EHBP1: variants seen among roughly 807,000 people sequenced by gnomAD.
EHBP1 encodes EH domain-binding protein 1.
A neutral mutation model predicts 144.0 loss-of-function variants in EHBP1; 55 were observed. The observed-to-expected ratio is 0.38, with a 90% CI of 0.31 to 0.48. The LOEUF is 0.48. EHBP1 is among the 20% of genes least tolerant of loss of function. EHBP1 has a pLI of 0.98. For missense variants in EHBP1, 1,200 were observed against 1,364.2 expected (o/e 0.88, Z 1.90); for synonymous variants, 469 against 472.7 (o/e 0.99, Z 0.10).
At chr2:62,985,201 G>A (rs17473979) in intron 15 of EHBP1, among the ~76,000 whole-genome samples, 1,712 of 152,172 alleles carry the variant, frequency 0.011, 11 homozygotes, top group Non-Finnish European at 0.018. Flanking sequence ...GTGTTCTCCA[G>A]TCCAACATTT....
intron 10 of EHBP1, chr2:62,881,696 T>C (rs191298993): frequency 1.3e-5 from 2 of 152,258 alleles, no homozygotes; most frequent in Admixed American, 6.5e-5. Flanking sequence ...TTTTAGAAAT[T>C]TTAATACGTG....
At chr2:62,917,648 T>C (rs1350295420) in intron 10 of EHBP1, among the ~76,000 whole-genome samples, 3 of 152,314 alleles carry the variant, frequency 2.0e-5, no homozygotes, top group East Asian at 1.9e-4. Flanking sequence ...GATTTAGTTA[T>C]ATTAAATTTA....
At chr2:62,921,298 T>G (rs867953078) in intron 10 of EHBP1, among the ~76,000 whole-genome samples, 1 of 151,640 alleles carries the variant, frequency 6.6e-6, no homozygotes. Context: ...ATACAAAAAT[T>G]TGTCAGGCAT....
intron 4 of EHBP1, among the ~76,000 whole-genome samples, chr2:62,767,358 A>G (rs1476187993): frequency 6.6e-6 from 1 of 152,144 alleles, no homozygotes; most frequent in Non-Finnish European, 1.5e-5. Context: ...GGATTTCTTA[A>G]TATTAAATAA....
At chr2:62,797,776 C>G (rs769779318) in intron 5 of EHBP1, among the ~76,000 whole-genome samples, 2 of 152,228 alleles carry the variant, frequency 1.3e-5, no homozygotes, top group Non-Finnish European at 2.9e-5. Flanking sequence ...CTATAGCTAT[C>G]TATGCCTTGA....
intron 10 of EHBP1, among the ~76,000 whole-genome samples, chr2:62,906,272 G>T (rs935280092): frequency 6.6e-6 from 1 of 150,924 alleles, no homozygotes. Context: ...TACTGTATAC[G>T]TGTCCGTCTA....
At chr2:62,795,792 C>G (rs991395435) in intron 5 of EHBP1, among the ~76,000 whole-genome samples, 2 of 151,688 alleles carry the variant, frequency 1.3e-5, no homozygotes, top group African/African-American at 4.8e-5. Context: ...TTTAATTTTC[C>G]CCCTGTGGGT....
At chr2:62,694,711 T>A (rs2034024626) in intron 1 of EHBP1, among the ~76,000 whole-genome samples, 1 of 152,162 alleles carries the variant, frequency 6.6e-6, no homozygotes, top group South Asian at 2.1e-4. Flanking sequence ...CATTTTCCCA[T>A]TCCCATTTTA....
Position 63,009,291 on chromosome 2 carries a change from T to C in EHBP1, c.3103+12525T>C, listed in dbSNP as rs1451933698. 3.3e-5 allele frequency among the ~76,000 whole-genome samples: 5 copies of C among 151,798 alleles called. No individual in the cohort carries two copies. In the East Asian group the frequency reaches 9.6e-4, roughly 29 times the overall value. ...TTCTGGATAGTGGAATGTCTGATCA[T>C]TTTTCTGTTTTACTCTTTTGATAAA... is the stretch of plus-strand genomic sequence containing the variant. On this transcript the variant is annotated intron_variant, in intron 19 of 22. Coordinates refer to ENST00000431489, the MANE Select transcript of EHBP1 (RefSeq NM_001142616.3).
At position 63,045,379 on chromosome 2, in the gene EHBP1, T is replaced by TTCCTGTTTG. The variant is rs753395076; in HGVS notation, c.3393-19_3393-11dup. ...CCTCCACGAAGAAAAATAATTTTGT[T>TTCCTGTTTG]TCCTGTTTGTCCTGTTTGTCTGACA... On this transcript the variant is annotated intron_variant, in intron 22 of 22. Coordinates refer to ENST00000431489, the MANE Select transcript of EHBP1 (RefSeq NM_001142616.3). This position sits in a 1 kb window ranked among gnomAD's most constrained non-coding sequence, Gnocchi z 5.7. The TTCCTGTTTG allele has an allele frequency of 6.7e-5, 107 of 1,602,994 alleles. 1 individual carries two copies. The African/African-American group carries it at 1.3e-3, about 20-fold the overall frequency.
At chr2:62,830,901 TAAGA>T (rs1020239088) in intron 6 of EHBP1, 114 bp from the exon 7 acceptor site, 115 of 1,027,322 alleles carry the variant, frequency 1.1e-4, no homozygotes, top group Non-Finnish European at 1.5e-4. Flanking sequence ...GTGCAACTGA[TAAGA>T]AAGACTTATT....
intron 3 of EHBP1, among the ~76,000 whole-genome samples, chr2:62,748,433 C>T (rs962101919): frequency 6.6e-6 from 1 of 152,032 alleles, no homozygotes; most frequent in Non-Finnish European, 1.5e-5. Flanking sequence ...GCAGGAGGAT[C>T]GCTTGAGGCT....
chr2:62,743,369 G>GTTTC (rs2038890344), intron 2 of EHBP1, among the ~76,000 whole-genome samples: 1 of 151,918 alleles, frequency 6.6e-6, no homozygotes, highest in Non-Finnish European at 1.5e-5. Flanking sequence ...TTTATAAATA[G>GTTTC]TTTCTTTAAG....
chr2:62,736,872 G>A (rs1558578311), intron 2 of EHBP1, among the ~76,000 whole-genome samples: 1 of 152,110 alleles, frequency 6.6e-6, no homozygotes, highest in Non-Finnish European at 1.5e-5. Flanking sequence ...TTCAAACTCT[G>A]TTTTTTGCCT....
At chr2:62,921,632 CA>C (rs750215922) in intron 10 of EHBP1, among the ~76,000 whole-genome samples, 56 of 151,908 alleles carry the variant, frequency 3.7e-4, no homozygotes, top group Non-Finnish European at 5.6e-4. Context: ...AAACAACTAG[CA>C]AAATGATGGA....
At chr2:62,765,114 G>A (rs1260964369) in intron 4 of EHBP1, among the ~76,000 whole-genome samples, 2 of 151,988 alleles carry the variant, frequency 1.3e-5, no homozygotes, top group Non-Finnish European at 2.9e-5. Flanking sequence ...TATAAAAAAA[G>A]GCTTAATTGA....
At chr2:63,042,970 A>G (rs1358082869) in intron 21 of EHBP1, among the ~76,000 whole-genome samples, 3 of 152,136 alleles carry the variant, frequency 2.0e-5, no homozygotes, top group Non-Finnish European at 2.9e-5. Flanking sequence ...ATCAAAGCTT[A>G]TAATCAGAAT....
rs1264775242 is a variant in EHBP1, at chr2:63,035,718, C to G, written c.3104-1817C>G. ...AAAATCTACACCTATTAATATTGCA[C>G]ACATGTGGCATTTCACTGATCAAAA... On this transcript the variant is annotated intron_variant, in intron 19 of 22. Transcript: ENST00000431489. Among the ~76,000 whole-genome samples the G allele has an allele frequency of 2.0e-5, 3 of 152,000 alleles. No homozygotes were observed. The East Asian group carries it at 5.8e-4, about 29-fold the overall frequency.
chr2:63,008,405 G>C (rs1402684344), intron 19 of EHBP1, among the ~76,000 whole-genome samples: 1 of 151,026 alleles, frequency 6.6e-6, no homozygotes, highest in Non-Finnish European at 1.5e-5. Flanking sequence ...TTTCAGTCTT[G>C]TTTTTTTCAT....
Sources: gnomAD v4.1 joint callset for allele counts (sites outside exome capture counted in the v4.1 genomes callset) on GRCh38, gnomAD v4.1.1 for gene constraint, Gnocchi (gnomAD v3.1) non-coding constraint, MANE v1.5 for transcripts, NCBI Gene and HGNC (gene_info 2026-07-23, HGNC 2026-07-21) for gene names.